SPINK5: variants seen among roughly 807,000 people sequenced by gnomAD.
SPINK5 encodes serine peptidase inhibitor Kazal type 5.
Under a neutral mutation model 151.8 loss-of-function variants are expected in SPINK5, and 125 were observed. That is an observed-to-expected ratio of 0.82 (90% CI 0.71 to 0.96). SPINK5 has a LOEUF of 0.96. Ranked by LOEUF, SPINK5 falls within the 40% of genes least tolerant of loss-of-function variation. SPINK5 has a pLI of 0.00. For synonymous variants in SPINK5, 374 were observed against 395.3 expected, an observed-to-expected ratio of 0.95 and a Z score of 0.64; for missense variants, 1,194 against 1,291.9, an observed-to-expected ratio of 0.92 and a Z score of 1.16.
Position 148,123,825 on chromosome 5 carries a change from G to C in SPINK5, c.2539-8G>C, listed in dbSNP as rs762909237. On this transcript the variant is annotated splice_region_variant and splice_polypyrimidine_tract_variant and intron_variant, in intron 26 of 32. Transcript: ENST00000256084. ...GACAGTAACAACTTTTTCTGCTACT[G>C]TTGGTAGGATCTGTGTCGTGAATTT... The C allele has an allele frequency of 1.9e-5, 30 of 1,613,728 alleles. No homozygotes were observed. In the South Asian group the frequency reaches 3.1e-4, roughly 17 times the overall value.
chr5:148,124,682 GA>G, intron 27 of SPINK5, 82 bp from the exon 28 acceptor site: 1 of 1,078,832 alleles, frequency 9.3e-7, no homozygotes, highest in Non-Finnish European at 1.3e-6. Context: ...CTAATGTTTA[GA>G]ATCGCAGAAA....
chr5:148,075,103 C>T (rs1051667768), intron 4 of SPINK5, among the ~76,000 whole-genome samples: 1 of 151,332 alleles, frequency 6.6e-6, no homozygotes, highest in African/African-American at 2.4e-5. Context: ...GTAAAGGATC[C>T]AGACTTCAAT....
rs772706833 is a variant in SPINK5, at chr5:148,086,450, A to G, written c.328A>G (p.Ile110Val). The change falls in exon 5 of 33, where the codon ATC becomes GTC. Residue 110 changes from isoleucine (I) to valine (V), a missense_variant. Physicochemically the swap from Ile to Val is conservative, Grantham distance 29 (BLOSUM62 3). Coordinates refer to ENST00000256084, the MANE Select transcript of SPINK5 (RefSeq NM_006846.4). ...AAAAGGAGAAAGAGATGGGGATTTT[A>G]TCTGTCCTGATTATTATGAAGCTGT... Reference protein sequence around the residue: ...FKKGERDGDFICPDYYEAVCG... With the variant: ...FKKGERDGDFVCPDYYEAVCG... 12 of 1,611,898 alleles carry G rather than the reference A, an allele frequency of 7.4e-6. No individual in the cohort carries two copies. The highest frequency in any genetic ancestry group is 1.3e-5 in the African/African-American group (1 of 74,846).
intron 4 of SPINK5, among the ~76,000 whole-genome samples, chr5:148,075,441 A>C (rs998949886): frequency 2.6e-4 from 40 of 151,622 alleles, no homozygotes; most frequent in African/African-American, 9.6e-4. Flanking sequence ...AAATAAATTT[A>C]TGAATTTGGA....
At chr5:148,108,727 G>C in intron 17 of SPINK5, 26 bp from the exon 18 acceptor site, 1 of 1,606,828 alleles carries the variant, frequency 6.2e-7, no homozygotes, top group Non-Finnish European at 8.5e-7. Context: ...ATCATATTCA[G>C]CCTATATCTT....
At chr5:148,095,654 G>GAGCGCTAT (rs1753435521) in intron 9 of SPINK5, among the ~76,000 whole-genome samples, 164 bp from the exon 10 acceptor site, 1 of 151,842 alleles carries the variant, frequency 6.6e-6, no homozygotes, top group Non-Finnish European at 1.5e-5. Flanking sequence ...GGAAGTAAAT[G>GAGCGCTAT]GTATAAAGGT....
chr5:148,118,321 T>A (rs1023978096), intron 22 of SPINK5, 116 bp from the exon 23 acceptor site: 14 of 1,450,436 alleles, frequency 9.7e-6, no homozygotes, highest in Non-Finnish European at 1.3e-5. Context: ...CCGGCAATGT[T>A]ATGTTTCTTA....
Position 148,108,824 on chromosome 5 carries a change from G to T in SPINK5, c.1679G>T (p.Arg560Ile). The change falls in exon 18 of 33, where the codon AGA becomes ATA. Residue 560 changes from arginine (R) to isoleucine (I), a missense_variant. Arg to Ile is a moderately conservative substitution (Grantham distance 97). Coordinates refer to ENST00000256084, the MANE Select transcript of SPINK5 (RefSeq NM_006846.4). ...KGKVEAEKVKREAVQELCSEY... is the reference protein window; with the variant it reads ...KGKVEAEKVKIEAVQELCSEY... ...AAAGTCGAGGCTGAAAAAGTTAAGA[G>T]AGAAGCAGTTCAGGTAGTTGTTTGA... The T allele has an allele frequency of 6.2e-7, 1 of 1,612,406 alleles. No homozygotes were observed. The highest frequency in any genetic ancestry group is 1.1e-5 in the South Asian group (1 of 91,042).
In SPINK5 at chr5:148,120,104, T is replaced by C. The variant is rs1380188782; in HGVS notation, c.2409T>C (p.His803=). The change falls in exon 25 of 33, where the codon CAT becomes CAC. Residue 803 remains histidine, a synonymous_variant. Transcript: ENST00000256084. ...TCCGGGGTCCAGATGGCAAGACACA[T>C]GGCAATAAGTGTACTATGTGTAAGG... ...DPVRGPDGKT[H]GNKCTMCKEK... 1.2e-6 allele frequency: 2 copies of C among 1,614,054 alleles called. No homozygotes were observed. Among genetic ancestry groups the C allele is most frequent in the Non-Finnish European group, 1.7e-6 (2 of 1,179,946 alleles).
At chr5:148,135,635 A>AGATTCAAGTG (rs1471012315) in intron 32 of SPINK5, among the ~76,000 whole-genome samples, 1 of 152,184 alleles carries the variant, frequency 6.6e-6, no homozygotes, top group Non-Finnish European at 1.5e-5. Flanking sequence ...TCCCTGTGTA[A>AGATTCAAGTG]GATTCAAGTG....
intron 30 of SPINK5, among the ~76,000 whole-genome samples, chr5:148,128,458 T>C (rs1754489428): frequency 6.6e-6 from 1 of 152,140 alleles, no homozygotes; most frequent in Non-Finnish European, 1.5e-5. Context: ...AAGCCGGCAG[T>C]CCTTTTGTCA....
chr5:148,088,031 G>A (rs1199012015), intron 5 of SPINK5, among the ~76,000 whole-genome samples: 1 of 151,246 alleles, frequency 6.6e-6, no homozygotes, highest in Non-Finnish European at 1.5e-5. Context: ...TTACATTTGC[G>A]GTTCTGTGTT....
chr5:148,126,344 C>T (rs546903543), intron 29 of SPINK5, among the ~76,000 whole-genome samples: 17 of 150,996 alleles, frequency 1.1e-4, no homozygotes, highest in Non-Finnish European at 2.2e-4. Flanking sequence ...GGTTGTAAAG[C>T]ACACTGTGAA....
rs1131691490 is a variant in SPINK5, at chr5:148,065,374, T to A, written c.81+2T>A. 5.1e-5 allele frequency: 82 copies of A among 1,613,416 alleles called. No homozygotes were observed. The highest frequency in any genetic ancestry group is 6.7e-5 in the Non-Finnish European group (79 of 1,179,760). On this transcript the variant is annotated splice_donor_variant, in intron 2 of 32. Transcript: ENST00000256084. LOFTEE classifies it high-confidence loss of function. ...GCTGCCAGTAAGAATGAAGATCAGG[T>A]TAGTCCTGCTTTTTCTGTTCATTGA...
chr5:148,101,268 A>G, intron 13 of SPINK5, 87 bp from the exon 14 acceptor site: 1 of 945,468 alleles, frequency 1.1e-6, no homozygotes, highest in South Asian at 1.4e-5. Context: ...ATCGTTGTTA[A>G]GTGTAAAATT....
intron 15 of SPINK5, 102 bp from the exon 16 acceptor site, chr5:148,104,850 C>CT: frequency 2.8e-6 from 3 of 1,058,858 alleles, no homozygotes; most frequent in Non-Finnish European, 4.1e-6. Flanking sequence ...GAGCCGAGAT[C>CT]GCGCCACTGC....
chr5:148,125,499 T>C, intron 28 of SPINK5: 4 of 1,604,364 alleles, frequency 2.5e-6, no homozygotes, highest in Non-Finnish European at 3.4e-6. Context: ...TCAAGTGTTG[T>C]TTTATGTTTC....
intron 15 of SPINK5, among the ~76,000 whole-genome samples, chr5:148,103,676 TA>T (rs1166817470): frequency 1.3e-5 from 2 of 152,192 alleles, no homozygotes; most frequent in Non-Finnish European, 2.9e-5. Context: ...TGAAAAGAAA[TA>T]ACCTTTATCA....
intron 27 of SPINK5, 67 bp downstream of exon 27, chr5:148,124,027 C>T: frequency 6.4e-7 from 1 of 1,570,374 alleles, no homozygotes. Flanking sequence ...GTTTTTGTTA[C>T]TTTTAAAACC....
Sources: gnomAD v4.1 joint callset for allele counts (sites outside exome capture counted in the v4.1 genomes callset) on GRCh38, gnomAD v4.1.1 for gene constraint, MANE v1.5 for transcripts, NCBI Gene and HGNC (gene_info 2026-07-23, HGNC 2026-07-21) for gene names.